NRXN3: variants seen among roughly 807,000 people sequenced by gnomAD.
NRXN3 encodes neurexin III.
NRXN3 carries 32 observed loss-of-function variants against 137.6 expected under a neutral mutation model. The observed-to-expected ratio is 0.23, with a 90% CI of 0.18 to 0.31. The LOEUF (loss-of-function observed/expected upper bound fraction) is 0.31. Ranked by LOEUF, NRXN3 falls within the 10% of genes least tolerant of loss-of-function variation. The pLI, the probability that NRXN3 is intolerant of heterozygous loss-of-function variation, is 1.00. For missense variants in NRXN3, 1,574 were observed against 2,062.5 expected, an observed-to-expected ratio of 0.76 and a Z score of 4.59; for synonymous variants, 798 against 784.5, an observed-to-expected ratio of 1.02 and a Z score of -0.29.
intron 15 of NRXN3, among the ~76,000 whole-genome samples, chr14:79,271,891 C>A (rs774005847): frequency 2.0e-5 from 3 of 152,150 alleles, no homozygotes; most frequent in Admixed American, 6.5e-5. Flanking sequence ...TCTTTTCAAA[C>A]CCTCAAAACT....
At chr14:78,398,030 C>A (rs1336008541) in intron 4 of NRXN3, among the ~76,000 whole-genome samples, 1 of 150,778 alleles carries the variant, frequency 6.6e-6, no homozygotes, top group Non-Finnish European at 1.5e-5. Context: ...GCCTGGCTAA[C>A]CTGGTGAAAC....
chr14:78,481,979 T>C (rs1195718027), intron 4 of NRXN3, among the ~76,000 whole-genome samples: 1 of 152,186 alleles, frequency 6.6e-6, no homozygotes, highest in Non-Finnish European at 1.5e-5. Context: ...TCCATGTAGA[T>C]AAGATGATAA....
intron 1 of NRXN3, among the ~76,000 whole-genome samples, chr14:78,225,978 T>TTG (rs1374693240): frequency 0.19 from 22,794 of 121,860 alleles, 1,953 homozygotes; most frequent in East Asian, 0.26. Context: ...TGTGTTGGTG[T>TTG]GTGTGTGTGT....
chr14:78,410,283 T>A (rs6574440), intron 4 of NRXN3, among the ~76,000 whole-genome samples: 69,022 of 152,016 alleles, frequency 0.45, 15,900 homozygotes, highest in Middle Eastern at 0.6. Flanking sequence ...ACATCTTCAA[T>A]GGAAGCTTCT....
chr14:79,121,714 A>T (rs1232002784), intron 15 of NRXN3, among the ~76,000 whole-genome samples: 1 of 152,228 alleles, frequency 6.6e-6, no homozygotes, highest in African/African-American at 2.4e-5. Context: ...GTCAATGATC[A>T]CGAAGTGCAT....
At chr14:79,539,636 T>G (rs2097252975) in intron 16 of NRXN3, among the ~76,000 whole-genome samples, 2 of 152,192 alleles carry the variant, frequency 1.3e-5, no homozygotes, top group African/African-American at 4.8e-5. Context: ...CCCCTCTTTC[T>G]CTTATATTGC....
Position 79,717,945 on chromosome 14 carries a change from T to C in NRXN3, c.4014+20008T>C, listed in dbSNP as rs186662948. On this transcript the variant is annotated intron_variant, in intron 19 of 20. Transcript: ENST00000335750. ...CAGGGTGATTCCTGCTATGGACCCA[T>C]CACCCTTGTAGACTCTGAGGCTGCA... Among the ~76,000 whole-genome samples the C allele has an allele frequency of 1.9e-3, 295 of 152,286 alleles. 2 individuals carry two copies. Among genetic ancestry groups the C allele is most frequent in the African/African-American group, 6.9e-3 (288 of 41,574 alleles).
chr14:79,437,144 C>T (rs138494308), intron 15 of NRXN3, among the ~76,000 whole-genome samples: 40 of 152,244 alleles, frequency 2.6e-4, no homozygotes, highest in Non-Finnish European at 4.0e-4. Flanking sequence ...CCACCCACAC[C>T]TCTACCCCTT....
chr14:78,206,109 G>A (rs924917593), intron 1 of NRXN3, among the ~76,000 whole-genome samples: 2 of 152,160 alleles, frequency 1.3e-5, no homozygotes, highest in Non-Finnish European at 2.9e-5. Flanking sequence ...TTGTGTTTGC[G>A]GTACCTGTGG....
At chr14:79,851,487 A>G (rs538037092) in intron 20 of NRXN3, among the ~76,000 whole-genome samples, 70 of 152,226 alleles carry the variant, frequency 4.6e-4, no homozygotes, top group Non-Finnish European at 9.4e-4. Context: ...ACACATTGCT[A>G]TAATTATTTT....
At chr14:78,666,420 C>G (rs2097887222) in intron 6 of NRXN3, among the ~76,000 whole-genome samples, 1 of 152,084 alleles carries the variant, frequency 6.6e-6, no homozygotes, top group Admixed American at 6.5e-5. Flanking sequence ...ATAAGAAAAG[C>G]AGCATTGGAT....
chr14:78,883,897 A>G (rs1039223986), intron 10 of NRXN3, among the ~76,000 whole-genome samples: 6 of 152,226 alleles, frequency 3.9e-5, no homozygotes, highest in Non-Finnish European at 7.3e-5. Context: ...TGGTAAGTAT[A>G]TAGTACCCCT....
At chr14:79,360,815 C>T (rs2093657314) in intron 15 of NRXN3, among the ~76,000 whole-genome samples, 1 of 152,112 alleles carries the variant, frequency 6.6e-6, no homozygotes, top group Admixed American at 6.6e-5. Flanking sequence ...GCGAATTTAC[C>T]TAATCTTTTT....
At chr14:79,545,561 A>G (rs2097311086) in intron 16 of NRXN3, among the ~76,000 whole-genome samples, 1 of 152,124 alleles carries the variant, frequency 6.6e-6, no homozygotes, top group Non-Finnish European at 1.5e-5. Flanking sequence ...CCCCTGTGCT[A>G]TAGAAGGTAC....
chr14:79,149,657 C>T (rs1385991711), intron 15 of NRXN3, among the ~76,000 whole-genome samples: 1 of 152,006 alleles, frequency 6.6e-6, no homozygotes, highest in Non-Finnish European at 1.5e-5. Flanking sequence ...ACATATACAC[C>T]ATGGAATACT....
intron 6 of NRXN3, among the ~76,000 whole-genome samples, chr14:78,681,012 A>G (rs2098069356): frequency 6.6e-6 from 1 of 152,228 alleles, no homozygotes; most frequent in African/African-American, 2.4e-5. Flanking sequence ...CAGATGTAGT[A>G]TTCACTAAAA....
intron 20 of NRXN3, among the ~76,000 whole-genome samples, chr14:79,852,234 A>ACACACACACACACAC (rs1555793046): frequency 1.6e-5 from 2 of 128,184 alleles, no homozygotes; most frequent in Non-Finnish European, 1.6e-5. Flanking sequence ...TTCAACTCCC[A>ACACACACACACACAC]ACACACACAC....
At chr14:79,007,722 C>T (rs886733911) in intron 15 of NRXN3, among the ~76,000 whole-genome samples, 2 of 142,296 alleles carry the variant, frequency 1.4e-5, no homozygotes, top group African/African-American at 2.6e-5. Flanking sequence ...AGAAGAATGG[C>T]GTGAACCCGG....
At chr14:78,353,699 G>A (rs1229697728) in intron 4 of NRXN3, among the ~76,000 whole-genome samples, 2 of 152,144 alleles carry the variant, frequency 1.3e-5, no homozygotes, top group African/African-American at 4.8e-5. Flanking sequence ...AAGGAGTCTA[G>A]GCATTTGGGA....
Sources: gnomAD v4.1 joint callset for allele counts (sites outside exome capture counted in the v4.1 genomes callset) on GRCh38, gnomAD v4.1.1 for gene constraint, MANE v1.5 for transcripts, NCBI Gene and HGNC (gene_info 2026-07-23, HGNC 2026-07-21) for gene names.